The following LARGE1 variants were observed in gnomAD, a reference collection of about 807,000 sequenced individuals.
LARGE1 encodes LARGE xylosyl- and glucuronyltransferase 1, also known as xylosyl- and glucuronyltransferase LARGE1.
In LARGE1, 43 loss-of-function variants were observed where a neutral mutation model predicts 87.6. The ratio of observed to expected loss-of-function variants is 0.49; its 90% confidence interval spans 0.38 to 0.63. The LOEUF (loss-of-function observed/expected upper bound fraction) is 0.63, where lower values mean the gene tolerates loss of function less well. LARGE1 is among the 30% of genes least tolerant of loss of function. LARGE1 has a pLI of 0.00. For synonymous variants in LARGE1, 434 were observed against 394.6 expected (o/e 1.10, Z -1.18); for missense variants, 802 against 1,000.2 (o/e 0.80, Z 2.67).
chr22:33,260,876 C>G (rs191456425), intron 11 of LARGE1, among the ~76,000 whole-genome samples: 1 of 152,348 alleles, frequency 6.6e-6, no homozygotes, highest in African/African-American at 2.4e-5. Context: ...TTGGACCCAG[C>G]ACTCATCCTG....
At chr22:33,785,964 G>A (rs1362112432) in intron 1 of LARGE1, among the ~76,000 whole-genome samples, 2 of 152,192 alleles carry the variant, frequency 1.3e-5, no homozygotes, top group Non-Finnish European at 2.9e-5. Flanking sequence ...ATAAAAAGGA[G>A]AAGAGGCAGG....
intron 1 of LARGE1, among the ~76,000 whole-genome samples, chr22:33,795,912 C>T (rs765436911): frequency 6.6e-5 from 10 of 151,126 alleles, no homozygotes; most frequent in East Asian, 3.9e-4. Flanking sequence ...GACGAGTTAA[C>T]GGGTGCAGCA....
chr22:33,611,108 C>T (rs186110900), intron 4 of LARGE1, among the ~76,000 whole-genome samples: 47 of 152,342 alleles, frequency 3.1e-4, no homozygotes, highest in African/African-American at 9.1e-4. Flanking sequence ...CAGAGATGTT[C>T]TATTAGGGCA....
chr22:33,666,704 C>T (rs576981321), intron 2 of LARGE1, among the ~76,000 whole-genome samples: 24 of 152,274 alleles, frequency 1.6e-4, no homozygotes, highest in African/African-American at 5.5e-4. Flanking sequence ...AGAGGCTGGT[C>T]TGAGGCAGCA....
chr22:33,248,952 T>TA (rs1175034563), intron 11 of LARGE1, among the ~76,000 whole-genome samples: 1 of 152,260 alleles, frequency 6.6e-6, no homozygotes, highest in African/African-American at 2.4e-5. Context: ...TGTATCCATT[T>TA]ACCTACTGAA....
intron 6 of LARGE1, among the ~76,000 whole-genome samples, chr22:33,493,591 A>G (rs1239419351): frequency 6.6e-6 from 1 of 152,112 alleles, no homozygotes; most frequent in Non-Finnish European, 1.5e-5. Flanking sequence ...ATTTATGTGG[A>G]TAGTTCCAAA....
chr22:33,216,125 T>C (rs1925190253), intron 11 of LARGE1, among the ~76,000 whole-genome samples: 1 of 152,216 alleles, frequency 6.6e-6, no homozygotes. Flanking sequence ...TGTTCTTCAA[T>C]ACTAGCTCTG....
At chr22:33,450,963 CCACATAAA>C (rs2067891894) in intron 6 of LARGE1, among the ~76,000 whole-genome samples, 1 of 152,156 alleles carries the variant, frequency 6.6e-6, no homozygotes, top group Non-Finnish European at 1.5e-5. Flanking sequence ...AGCACACACT[CCACATAAA>C]CACGGGGTAA....
intron 7 of LARGE1, among the ~76,000 whole-genome samples, chr22:33,429,773 G>A (rs2067013156): frequency 1.3e-5 from 2 of 151,970 alleles, no homozygotes; most frequent in African/African-American, 4.8e-5. Flanking sequence ...TGGAGGGAAC[G>A]TGTCTGAAAA....
intron 6 of LARGE1, among the ~76,000 whole-genome samples, chr22:33,462,917 T>C (rs1306027193): frequency 6.6e-6 from 1 of 152,238 alleles, no homozygotes; most frequent in Non-Finnish European, 1.5e-5. Context: ...CGATTAAACT[T>C]TCTAACGTCT....
intron 10 of LARGE1, among the ~76,000 whole-genome samples, chr22:33,319,093 C>T (rs960674684): frequency 1.3e-5 from 2 of 152,152 alleles, no homozygotes; most frequent in South Asian, 2.1e-4. Flanking sequence ...CTCTCTCCCC[C>T]ACTCCCCGCC....
At chr22:33,591,858 A>AAAT (rs1555967706) in intron 5 of LARGE1, among the ~76,000 whole-genome samples, 1 of 129,850 alleles carries the variant, frequency 7.7e-6, no homozygotes, top group African/African-American at 3.1e-5. Context: ...AAAAAAAAAA[A>AAAT]TTTTTTTTTT....
At chr22:33,177,888 G>A (rs76928550) in intron 11 of LARGE1, among the ~76,000 whole-genome samples, 12,269 of 152,166 alleles carry the variant, frequency 0.081, 633 homozygotes, top group Middle Eastern at 0.19. Flanking sequence ...TGCTGTTCTC[G>A]TGGTAGTCAG....
chr22:33,822,763 G>A (rs897058354), intron 1 of LARGE1, among the ~76,000 whole-genome samples: 1 of 152,192 alleles, frequency 6.6e-6, no homozygotes, highest in East Asian at 1.9e-4. Context: ...CAAAGGGGAA[G>A]TCGTTAAGGC....
rs374134591 is a variant in LARGE1, at chr22:33,840,774, T to TAC, written c.-82-79218_-82-79217dup. On this transcript the variant is annotated intron_variant, in intron 1 of 14. Transcript: ENST00000397394. Reference sequence around the variant, plus strand: ...CAGCCTAAACTCCCCAGGCACATGCTACCATGACCATCTAATTTTTCTAGT... The same window carrying TAC: ...CAGCCTAAACTCCCCAGGCACATGCTACACCATGACCATCTAATTTTTCTAGT... Among the ~76,000 whole-genome samples the TAC allele has an allele frequency of 3.1e-3, 476 of 152,142 alleles. 5 individuals carry two copies. The highest frequency in any genetic ancestry group is 0.011 in the African/African-American group (444 of 41,514).
At chr22:33,771,215 C>A (rs536632066) in intron 1 of LARGE1, among the ~76,000 whole-genome samples, 7 of 149,546 alleles carry the variant, frequency 4.7e-5, no homozygotes, top group African/African-American at 1.7e-4. Context: ...AGCGTAGATG[C>A]TGCCACGGTT....
intron 11 of LARGE1, among the ~76,000 whole-genome samples, chr22:33,181,482 ACTCAGACATT>A (rs1923156646): frequency 6.6e-6 from 1 of 151,766 alleles, no homozygotes; most frequent in Admixed American, 6.6e-5. Context: ...TATTTTTTGA[ACTCAGACATT>A]CTTCACGTGA....
At chr22:33,821,876 C>T (rs1039252130) in intron 1 of LARGE1, among the ~76,000 whole-genome samples, 9 of 150,112 alleles carry the variant, frequency 6.0e-5, no homozygotes, top group African/African-American at 2.2e-4. Context: ...GCATTAAAAA[C>T]TTCATGTGAA....
intron 2 of LARGE1, among the ~76,000 whole-genome samples, chr22:33,730,077 A>G (rs1389937398): frequency 3.3e-5 from 5 of 152,142 alleles, no homozygotes; most frequent in Non-Finnish European, 7.3e-5. Flanking sequence ...TTTAAAGTGC[A>G]TGAGTCCACA....
Sources: gnomAD v4.1 joint callset for allele counts (sites outside exome capture counted in the v4.1 genomes callset) on GRCh38, gnomAD v4.1.1 for gene constraint, MANE v1.5 for transcripts, NCBI Gene and HGNC (gene_info 2026-07-23, HGNC 2026-07-21) for gene names.